UBE2D1: variants seen among roughly 807,000 people sequenced by gnomAD.
UBE2D1 encodes the protein ubiquitin conjugating enzyme E2 D1.
UBE2D1 carries 9 observed loss-of-function variants against 24.6 expected under a neutral mutation model. That is an observed-to-expected ratio of 0.37 (90% CI 0.22 to 0.64). The LOEUF is 0.64. UBE2D1 is among the 30% of genes least tolerant of loss of function. UBE2D1 has a pLI of 0.64. For synonymous variants in UBE2D1, 57 were observed against 57.6 expected (o/e 0.99, Z 0.04); for missense variants, 87 against 177.1 (o/e 0.49, Z 2.89).
chr10:58,357,083 C>T (rs1049812612), intron 1 of UBE2D1, among the ~76,000 whole-genome samples: 3 of 152,046 alleles, frequency 2.0e-5, no homozygotes, highest in African/African-American at 4.8e-5. Context: ...ATAAATTGTT[C>T]TCAAGAGGGA....
intron 4 of UBE2D1, 89 bp downstream of exon 4, chr10:58,363,775 A>T: frequency 1.0e-6 from 1 of 979,900 alleles, no homozygotes; most frequent in Admixed American, 2.5e-5. Flanking sequence ...AGCTCATTTG[A>T]TATGTCAAAG....
chr10:58,367,853 A>G, intron 5 of UBE2D1, 70 bp from the exon 6 acceptor site: 1 of 1,036,974 alleles, frequency 9.6e-7, no homozygotes, highest in East Asian at 2.4e-5. Context: ...CACTAAAATT[A>G]TTTTCACATA....
At chr10:58,358,875 C>A (rs539600097) in intron 1 of UBE2D1, among the ~76,000 whole-genome samples, 11 of 151,612 alleles carry the variant, frequency 7.3e-5, no homozygotes, top group Non-Finnish European at 1.3e-4. Flanking sequence ...ACCCTCCTGC[C>A]TCAGCCTCCC....
intron 3 of UBE2D1, among the ~76,000 whole-genome samples, chr10:58,361,795 C>CT (rs770860227): frequency 0.012 from 1,618 of 131,336 alleles, 16 homozygotes; most frequent in African/African-American, 0.031. Flanking sequence ...GTGTGTTTAT[C>CT]TTTTTTTTTT....
At chr10:58,343,887 C>T (rs953265737) in intron 1 of UBE2D1, among the ~76,000 whole-genome samples, 7 of 152,142 alleles carry the variant, frequency 4.6e-5, no homozygotes, top group Admixed American at 1.3e-4. Flanking sequence ...GTTTTACACA[C>T]GTTTTAATAA....
At chr10:58,338,169 C>T (rs1486795870) in intron 1 of UBE2D1, among the ~76,000 whole-genome samples, 5 of 152,004 alleles carry the variant, frequency 3.3e-5, no homozygotes, top group Non-Finnish European at 5.9e-5. Context: ...ATTGGCTTGG[C>T]TATTTGAGAG....
In UBE2D1 at chr10:58,335,009, C is replaced by T. The variant is rs926804731; in HGVS notation, c.-193C>T. 1 of 549,730 alleles carries T rather than the reference C, an allele frequency of 1.8e-6. No individual in the cohort carries two copies. Among genetic ancestry groups the T allele is most frequent in the Non-Finnish European group, 3.1e-6 (1 of 321,854 alleles). 34.1% of individuals were successfully genotyped at this position (549,730 alleles called of 1,614,324 possible). ...AGTCTCGCCGGCGTCCCCGCCCGCA[C>T]ACTCGCGCACACTCGCGCTCGGGCG... On this transcript the variant is annotated 5_prime_UTR_variant, in exon 1 of 7. Transcript: ENST00000373910.
chr10:58,351,984 TA>T (rs1182820344), intron 1 of UBE2D1, among the ~76,000 whole-genome samples: 1 of 152,176 alleles, frequency 6.6e-6, no homozygotes, highest in Admixed American at 6.5e-5. Flanking sequence ...TTATTTGAGG[TA>T]GGGGGATCAA....
intron 1 of UBE2D1, among the ~76,000 whole-genome samples, chr10:58,338,122 T>C (rs1445503822): frequency 6.6e-6 from 1 of 152,100 alleles, no homozygotes; most frequent in Non-Finnish European, 1.5e-5. Flanking sequence ...GCTAGGATTA[T>C]AGGTGTGAGC....
At chr10:58,364,209 G>T (rs1266609854) in intron 4 of UBE2D1, among the ~76,000 whole-genome samples, 1 of 151,804 alleles carries the variant, frequency 6.6e-6, no homozygotes, top group African/African-American at 2.4e-5. Context: ...ATCAGGGAGG[G>T]GAAAAGTGGG....
chr10:58,341,688 G>A (rs996859797), intron 1 of UBE2D1, among the ~76,000 whole-genome samples: 4 of 152,052 alleles, frequency 2.6e-5, no homozygotes, highest in Non-Finnish European at 5.9e-5. Flanking sequence ...GTCCTTACTC[G>A]CTTTAGTTCC....
At chr10:58,344,233 A>C (rs1367467996) in intron 1 of UBE2D1, among the ~76,000 whole-genome samples, 1 of 152,208 alleles carries the variant, frequency 6.6e-6, no homozygotes, top group Non-Finnish European at 1.5e-5. Flanking sequence ...AAATGGCCTT[A>C]ATACAGTACT....
At position 58,363,238 on chromosome 10, in the gene UBE2D1, G is replaced by T. The variant is rs186587931; in HGVS notation, c.121-371G>T. ...TTTTTCAAAAAAAATACTGATTACGGCTGCAGAAAATGATCTTTTCCCACA... is the reference window on the plus strand; with the variant it reads ...TTTTTCAAAAAAAATACTGATTACGTCTGCAGAAAATGATCTTTTCCCACA... On this transcript the variant is annotated intron_variant, in intron 3 of 6. Coordinates refer to ENST00000373910, the MANE Select transcript of UBE2D1 (RefSeq NM_003338.5). Among the ~76,000 whole-genome samples, 381 of 152,124 alleles carry T rather than the reference G, an allele frequency of 2.5e-3. 4 individuals carry two copies. The highest frequency in any genetic ancestry group is 8.7e-3 in the African/African-American group (361 of 41,504).
intron 1 of UBE2D1, among the ~76,000 whole-genome samples, chr10:58,347,837 C>T (rs1392672788): frequency 6.6e-6 from 1 of 151,838 alleles, no homozygotes; most frequent in Non-Finnish European, 1.5e-5. Context: ...TTAGTAGAGA[C>T]GAGATTTCAC....
chr10:58,339,035 G>C (rs531096620), intron 1 of UBE2D1, among the ~76,000 whole-genome samples: 2 of 152,160 alleles, frequency 1.3e-5, no homozygotes, highest in Non-Finnish European at 2.9e-5. Flanking sequence ...AACTGTTTAT[G>C]TCAGTCTAGA....
chr10:58,357,923 C>T (rs1436144508), intron 1 of UBE2D1, among the ~76,000 whole-genome samples: 1 of 152,114 alleles, frequency 6.6e-6, no homozygotes, highest in Non-Finnish European at 1.5e-5. Flanking sequence ...CTTAAGAACT[C>T]GGCCTTTTCA....
At chr10:58,348,684 G>C (rs1840041448) in intron 1 of UBE2D1, among the ~76,000 whole-genome samples, 1 of 152,146 alleles carries the variant, frequency 6.6e-6, no homozygotes, top group African/African-American at 2.4e-5. Context: ...AGCATTTTTA[G>C]TCTGGTCAGC....
chr10:58,358,545 C>G lies in UBE2D1; in HGVS notation c.25-2793C>G, dbSNP rs79508253. Among the ~76,000 whole-genome samples the G allele has an allele frequency of 4.8e-3, 730 of 152,266 alleles. 2 individuals are homozygous for G. Among genetic ancestry groups the G allele is most frequent in the Non-Finnish European group, 8.8e-3 (600 of 68,020 alleles). ...TGCTTACTATGTGCCAGAGACTGTG[C>G]TGTACACTTGACATGTATCATTTCA... On this transcript the variant is annotated intron_variant, in intron 1 of 6. Coordinates refer to ENST00000373910, the MANE Select transcript of UBE2D1 (RefSeq NM_003338.5).
intron 1 of UBE2D1, among the ~76,000 whole-genome samples, chr10:58,336,409 C>T (rs571516107): frequency 2.0e-5 from 3 of 152,300 alleles, no homozygotes; most frequent in South Asian, 4.1e-4. Context: ...GTGATAGTGA[C>T]GTACGCATTG....
Sources: gnomAD v4.1 joint callset for allele counts (sites outside exome capture counted in the v4.1 genomes callset) on GRCh38, gnomAD v4.1.1 for gene constraint, MANE v1.5 for transcripts, NCBI Gene and HGNC (gene_info 2026-07-23, HGNC 2026-07-21) for gene names.